CSMD1: variants seen among roughly 807,000 people sequenced by gnomAD.
CSMD1 encodes CUB and sushi domain-containing protein 1.
CSMD1 carries 213 observed loss-of-function variants against 417.5 expected under a neutral mutation model. The ratio of observed to expected loss-of-function variants is 0.51; its 90% CI spans 0.46 to 0.57. The LOEUF (loss-of-function observed/expected upper bound fraction) is 0.57. Among genes scored for constraint, CSMD1 ranks in the 20% least tolerant of loss-of-function variants. The probability of loss-of-function intolerance (pLI) is 0.00; values close to 1 mark genes in which losing one functional copy is unlikely to be tolerated. For synonymous variants in CSMD1, 2,862 were observed against 1,736.8 expected (o/e 1.65, Z -16.11); for missense variants, 6,923 against 4,529.7 (o/e 1.53, Z -15.17).
intron 8 of CSMD1, among the ~76,000 whole-genome samples, chr8:3,614,802 G>C (rs766343713): frequency 6.6e-6 from 1 of 152,176 alleles, no homozygotes; most frequent in African/African-American, 2.4e-5. Context: ...GCAAAGATAA[G>C]ACACTCTCCA....
At chr8:3,354,950 CAGAG>C (rs1200461256) in intron 21 of CSMD1, among the ~76,000 whole-genome samples, 1 of 64,894 alleles carries the variant, frequency 1.5e-5, no homozygotes, top group Admixed American at 1.4e-4. Context: ...TATAGAGAGA[CAGAG>C]AAAGAGAGTT....
chr8:3,293,634 G>T (rs917017310), intron 25 of CSMD1, among the ~76,000 whole-genome samples: 1 of 152,114 alleles, frequency 6.6e-6, no homozygotes, highest in African/African-American at 2.4e-5. Context: ...ACTGAGGCTT[G>T]TGCATTTGTC....
At chr8:4,970,622 G>A (rs1301800417) in intron 1 of CSMD1, among the ~76,000 whole-genome samples, 1 of 151,940 alleles carries the variant, frequency 6.6e-6, no homozygotes, top group African/African-American at 2.4e-5. Context: ...TACAATGATA[G>A]GAAGCTTGTG....
intron 26 of CSMD1, among the ~76,000 whole-genome samples, chr8:3,255,640 G>T (rs1393895467): frequency 6.6e-6 from 1 of 152,206 alleles, no homozygotes; most frequent in Non-Finnish European, 1.5e-5. Flanking sequence ...AATGAGCAAG[G>T]CTCTGTGGGC....
chr8:4,893,476 G>C (rs1190508272), intron 1 of CSMD1, among the ~76,000 whole-genome samples: 2 of 151,986 alleles, frequency 1.3e-5, no homozygotes, highest in Admixed American at 1.3e-4. Flanking sequence ...GTCTTTAAGA[G>C]CTTCCCAATT....
chr8:4,493,410 T>C (rs1248642343), intron 2 of CSMD1, among the ~76,000 whole-genome samples: 3 of 152,152 alleles, frequency 2.0e-5, no homozygotes, highest in African/African-American at 7.2e-5. Context: ...CTAAAGCTAC[T>C]GATGGTCGGG....
intron 6 of CSMD1, among the ~76,000 whole-genome samples, chr8:3,725,706 GA>G (rs1802448214): frequency 1.7e-5 from 2 of 121,190 alleles, no homozygotes; most frequent in Admixed American, 8.5e-5. Context: ...ACTGCAATGA[GA>G]GAGTAGGCAG....
intron 1 of CSMD1, among the ~76,000 whole-genome samples, chr8:4,954,474 G>A (rs902299699): frequency 4.4e-4 from 67 of 152,122 alleles, no homozygotes; most frequent in African/African-American, 1.6e-3. Flanking sequence ...AATGATGACT[G>A]AAATTGATCA....
intron 12 of CSMD1, among the ~76,000 whole-genome samples, chr8:3,419,988 C>T (rs62505575): frequency 0.082 from 12,512 of 152,088 alleles, 628 homozygotes; most frequent in Middle Eastern, 0.16. Flanking sequence ...AATAATCGTT[C>T]GCATCTCCTT....
At chr8:3,306,085 C>A (rs1056916007) in intron 25 of CSMD1, among the ~76,000 whole-genome samples, 2 of 151,966 alleles carry the variant, frequency 1.3e-5, no homozygotes, top group African/African-American at 4.8e-5. Context: ...GTAGGGAGAA[C>A]CTTTCTCATG....
At chr8:3,897,419 T>C (rs1807441846) in intron 5 of CSMD1, among the ~76,000 whole-genome samples, 1 of 152,222 alleles carries the variant, frequency 6.6e-6, no homozygotes, top group Admixed American at 6.5e-5. Context: ...CTCAAAGACC[T>C]GTTATTAACT....
intron 3 of CSMD1, among the ~76,000 whole-genome samples, chr8:4,059,559 G>C (rs1182463028): frequency 6.6e-6 from 1 of 151,252 alleles, no homozygotes; most frequent in Non-Finnish European, 1.5e-5. Context: ...GACTAATAAA[G>C]AAAAAAAGAG....
In CSMD1 at chr8:3,133,508, A is replaced by G. The variant is rs868590559; in HGVS notation, c.6241+8957T>C. 5.9e-5 allele frequency among the ~76,000 whole-genome samples: 9 copies of G among 152,120 alleles called. 1 individual carries two copies. In the South Asian group the frequency reaches 1.0e-3, roughly 18 times the overall value. On this transcript the variant is annotated intron_variant, in intron 41 of 69. Transcript: ENST00000635120. ...AGCAGAAGGCAATCCTGTTACTGTT[A>G]CACTGGAAGGCTCACGTGGACACCG...
chr8:4,603,821 C>T (rs920792830), intron 2 of CSMD1, among the ~76,000 whole-genome samples: 5 of 152,046 alleles, frequency 3.3e-5, no homozygotes, highest in South Asian at 2.1e-4. Context: ...AAGCAGCACA[C>T]ATTTTAAATA....
intron 7 of CSMD1, among the ~76,000 whole-genome samples, chr8:3,642,372 T>G (rs1179987135): frequency 6.6e-6 from 1 of 152,112 alleles, no homozygotes; most frequent in Non-Finnish European, 1.5e-5. Context: ...CCGCAAAGAA[T>G]TTATAACCTT....
intron 2 of CSMD1, among the ~76,000 whole-genome samples, chr8:4,508,359 G>A (rs1802642914): frequency 6.6e-6 from 1 of 152,088 alleles, no homozygotes; most frequent in Non-Finnish European, 1.5e-5. Context: ...GGGACTTCCA[G>A]TTAGTTCAAA....
At chr8:3,379,534 T>G (rs1413807833) in intron 18 of CSMD1, among the ~76,000 whole-genome samples, 1 of 152,156 alleles carries the variant, frequency 6.6e-6, no homozygotes, top group Admixed American at 6.5e-5. Flanking sequence ...AGCAAGGTAC[T>G]GGTACCAAAG....
chr8:3,743,944 C>G (rs1413636549), intron 6 of CSMD1, among the ~76,000 whole-genome samples: 1 of 152,134 alleles, frequency 6.6e-6, no homozygotes, highest in Non-Finnish European at 1.5e-5. Context: ...ATTGGAGAAT[C>G]ACTGACCCAG....
intron 31 of CSMD1, among the ~76,000 whole-genome samples, chr8:3,203,999 C>T (rs1385404419): frequency 6.6e-6 from 1 of 152,124 alleles, no homozygotes; most frequent in Non-Finnish European, 1.5e-5. Context: ...CATCCCTGTA[C>T]TTACAAATAC....
Sources: gnomAD v4.1 joint callset for allele counts (sites outside exome capture counted in the v4.1 genomes callset) on GRCh38, gnomAD v4.1.1 for gene constraint, MANE v1.5 for transcripts, NCBI Gene and HGNC (gene_info 2026-07-23, HGNC 2026-07-21) for gene names.